SCFD2: variants seen among roughly 807,000 people sequenced by gnomAD.
SCFD2 encodes sec1 family domain-containing protein 2.
SCFD2 carries 54 observed loss-of-function variants against 58.9 expected under a neutral mutation model. That is an observed-to-expected ratio of 0.92 (90% confidence interval 0.74 to 1.15). The LOEUF is 1.15. Among genes scored for constraint, SCFD2 ranks in the 50% most tolerant of loss-of-function variants. The probability of loss-of-function intolerance (pLI) is 0.00; values close to 1 mark genes in which losing one functional copy is unlikely to be tolerated. For missense variants in SCFD2, 805 were observed against 836.6 expected, an observed-to-expected ratio of 0.96 and a Z score of 0.47; for synonymous variants, 321 against 335.9, an observed-to-expected ratio of 0.96 and a Z score of 0.49.
At chr4:53,278,930 TTAACCA>T (rs980609335) in intron 3 of SCFD2, among the ~76,000 whole-genome samples, 17 of 150,470 alleles carry the variant, frequency 1.1e-4, no homozygotes, top group Admixed American at 9.3e-4. Flanking sequence ...ATTTTTAAAT[TTAACCA>T]TAACCTTACC....
intron 5 of SCFD2, among the ~76,000 whole-genome samples, chr4:52,926,356 T>C (rs1719863114): frequency 6.6e-6 from 1 of 151,960 alleles, no homozygotes; most frequent in Non-Finnish European, 1.5e-5. Context: ...AAGTAGCCCT[T>C]ACCTGAGGCC....
In SCFD2 at chr4:53,148,818, T is replaced by G. The variant is rs1390343550; in HGVS notation, c.1312-3236A>C. Among the ~76,000 whole-genome samples the G allele has an allele frequency of 3.3e-5, 5 of 152,088 alleles. No homozygotes were observed. The South Asian group carries it at 1.0e-3, about 32-fold the overall frequency. On this transcript the variant is annotated intron_variant, in intron 4 of 8. Coordinates refer to ENST00000401642, the MANE Select transcript of SCFD2 (RefSeq NM_152540.4). ...TGAGGCCAGGAGTTTGAGAAGAGCC[T>G]GGGCAACATAGCGAGACTCCTGTCT...
intron 5 of SCFD2, among the ~76,000 whole-genome samples, chr4:53,106,974 G>A (rs1009646343): frequency 4.6e-5 from 7 of 152,162 alleles, no homozygotes; most frequent in African/African-American, 1.7e-4. Flanking sequence ...GGCAGCCAGA[G>A]AGAAAGGTCG....
At chr4:52,927,997 C>A (rs537581610) in intron 5 of SCFD2, among the ~76,000 whole-genome samples, 3 of 152,218 alleles carry the variant, frequency 2.0e-5, no homozygotes, top group Admixed American at 6.5e-5. Context: ...TATCTGTCAT[C>A]AATTTCATGT....
intron 3 of SCFD2, among the ~76,000 whole-genome samples, chr4:53,300,585 T>G (rs1324737912): frequency 6.6e-6 from 1 of 152,152 alleles, no homozygotes; most frequent in Non-Finnish European, 1.5e-5. Flanking sequence ...AACGCAGCTC[T>G]GCACCAAGCA....
chr4:52,913,234 G>A lies in SCFD2; in HGVS notation c.1708-5643C>T, dbSNP rs138100048. Among the ~76,000 whole-genome samples the A allele has an allele frequency of 7.1e-3, 1,079 of 152,230 alleles. 16 individuals are homozygous for A. Among genetic ancestry groups the A allele is most frequent in the African/African-American group, 0.025 (1,024 of 41,518 alleles). On this transcript the variant is annotated intron_variant, in intron 6 of 8. Transcript: ENST00000401642. ...CCAGGCCATGGACCGCTACTGGTTC[G>A]TGGCCTGTTAGGAACCGGGCCACAC...
chr4:53,074,225 A>G (rs1054395402), intron 5 of SCFD2, among the ~76,000 whole-genome samples: 1 of 152,196 alleles, frequency 6.6e-6, no homozygotes, highest in Non-Finnish European at 1.5e-5. Context: ...TAGCTTATCC[A>G]TAAGAAGCAG....
chr4:53,349,814 T>C (rs1229888879), intron 2 of SCFD2, among the ~76,000 whole-genome samples: 3 of 152,236 alleles, frequency 2.0e-5, no homozygotes, highest in African/African-American at 4.8e-5. Context: ...TTCTTTCTTT[T>C]AGCAAACTCC....
intron 4 of SCFD2, among the ~76,000 whole-genome samples, chr4:53,250,666 G>A (rs1008752279): frequency 1.3e-5 from 2 of 152,150 alleles, no homozygotes; most frequent in African/African-American, 4.8e-5. Context: ...ATGAAATGAA[G>A]GCAGAAATAA....
chr4:52,940,218 C>G (rs369146552), intron 5 of SCFD2, among the ~76,000 whole-genome samples: 2 of 152,204 alleles, frequency 1.3e-5, no homozygotes, highest in South Asian at 2.1e-4. Flanking sequence ...TGAGGAACCT[C>G]AGGTGCTGTA....
chr4:53,329,080 G>A (rs1449577865), intron 2 of SCFD2, among the ~76,000 whole-genome samples: 1 of 152,218 alleles, frequency 6.6e-6, no homozygotes. Flanking sequence ...CCCTCACCTG[G>A]CTCAGAGGGT....
At chr4:53,219,377 G>A (rs887528819) in intron 4 of SCFD2, among the ~76,000 whole-genome samples, 5 of 152,192 alleles carry the variant, frequency 3.3e-5, no homozygotes, top group Admixed American at 6.5e-5. Context: ...CTTGCAGTTC[G>A]ATCTCAACTG....
At chr4:53,160,396 T>C (rs374851923) in intron 4 of SCFD2, among the ~76,000 whole-genome samples, 47 of 152,224 alleles carry the variant, frequency 3.1e-4, no homozygotes, top group African/African-American at 9.9e-4. Context: ...GGAAGGAGCA[T>C]TGAATGTAAT....
At chr4:53,273,476 C>T (rs1009200270) in intron 4 of SCFD2, 11 of 164,356 alleles carry the variant, frequency 6.7e-5, no homozygotes, top group Non-Finnish European at 1.0e-4. Flanking sequence ...ATGTAAATAG[C>T]GATAATATGT....
intron 5 of SCFD2, among the ~76,000 whole-genome samples, chr4:52,932,752 A>AAC (rs1720029312): frequency 6.6e-6 from 1 of 151,980 alleles, no homozygotes. Context: ...CCCCTCCCCC[A>AAC]ACACACACAC....
intron 8 of SCFD2, among the ~76,000 whole-genome samples, chr4:52,883,022 A>G (rs1184271209): frequency 6.6e-6 from 1 of 152,172 alleles, no homozygotes; most frequent in Non-Finnish European, 1.5e-5. Context: ...TTGCTTGCCC[A>G]AAGGTCTTAG....
intron 3 of SCFD2, among the ~76,000 whole-genome samples, chr4:53,287,334 G>A (rs1297357662): frequency 1.3e-5 from 2 of 152,074 alleles, no homozygotes; most frequent in African/African-American, 2.4e-5. Context: ...GCACCAAGAA[G>A]GATACGCTCA....
intron 4 of SCFD2, among the ~76,000 whole-genome samples, chr4:53,239,506 C>T (rs553092379): frequency 6.6e-5 from 10 of 152,106 alleles, no homozygotes; most frequent in South Asian, 2.1e-4. Flanking sequence ...TTTAATAAGA[C>T]GGAGTTTCGC....
intron 7 of SCFD2, among the ~76,000 whole-genome samples, chr4:52,893,511 G>A (rs1718928108): frequency 6.6e-6 from 1 of 152,118 alleles, no homozygotes; most frequent in Non-Finnish European, 1.5e-5. Flanking sequence ...CTTTACCCCT[G>A]CTGTATATTC....
Sources: allele counts gnomAD v4.1 joint callset (sites outside exome capture counted in the v4.1 genomes callset), GRCh38; gene constraint gnomAD v4.1.1; transcripts MANE v1.5; gene names NCBI Gene and HGNC (gene_info 2026-07-23, HGNC 2026-07-21).